The following ITGB3BP variants were observed in gnomAD, a reference collection of about 807,000 sequenced individuals.
ITGB3BP encodes centromere protein R.
A neutral mutation model predicts 29.1 loss-of-function variants in ITGB3BP; 27 were observed. The observed-to-expected ratio is 0.93, with a 90% CI of 0.68 to 1.28. ITGB3BP has a LOEUF of 1.28. Among genes scored for constraint, ITGB3BP ranks in the 50% most tolerant of loss-of-function variants. The pLI is 0.00. For synonymous variants in ITGB3BP, 61 were observed against 61.4 expected, an observed-to-expected ratio of 0.99 and a Z score of 0.03; for missense variants, 192 against 200.2, an observed-to-expected ratio of 0.96 and a Z score of 0.25.
chr1:63,487,943 G>A (rs993529294), intron 3 of ITGB3BP, among the ~76,000 whole-genome samples: 1 of 152,070 alleles, frequency 6.6e-6, no homozygotes, highest in African/African-American at 2.4e-5. Flanking sequence ...AATCTTGGGG[G>A]ACCCCTGATG....
upstream of ITGB3BP, chr1:63,527,883 T>C (rs1044822662): frequency 6.6e-6 from 1 of 152,200 alleles, no homozygotes; most frequent in Non-Finnish European, 1.5e-5. Context: ...ACATACCTTT[T>C]TTCTCAAAAC....
intron 1 of ITGB3BP, among the ~76,000 whole-genome samples, chr1:63,510,564 C>T (rs1253618858): frequency 1.3e-5 from 2 of 152,110 alleles, no homozygotes; most frequent in Non-Finnish European, 2.9e-5. Context: ...ATAATTCGGA[C>T]ATCTAATAAC....
intron 2 of ITGB3BP, among the ~76,000 whole-genome samples, chr1:63,505,695 G>C (rs1254808967): frequency 2.0e-5 from 3 of 152,122 alleles, no homozygotes; most frequent in Non-Finnish European, 2.9e-5. Flanking sequence ...ATGTGTCCCA[G>C]AGATTCTGGT....
intron 7 of ITGB3BP, among the ~76,000 whole-genome samples, chr1:63,449,102 A>G (rs896203726): frequency 6.6e-6 from 1 of 152,180 alleles, no homozygotes; most frequent in African/African-American, 2.4e-5. Flanking sequence ...AATACGCAAC[A>G]ATGTCTGTGT....
At chr1:63,490,002 C>T in intron 3 of ITGB3BP, 81 bp downstream of exon 3, 1 of 1,199,192 alleles carries the variant, frequency 8.3e-7, no homozygotes, top group Non-Finnish European at 1.2e-6. Flanking sequence ...TAGCAAGATC[C>T]ATACATAATT....
intron 1 of ITGB3BP, among the ~76,000 whole-genome samples, chr1:63,511,757 T>C (rs546101803): frequency 6.6e-6 from 1 of 151,998 alleles, no homozygotes; most frequent in Non-Finnish European, 1.5e-5. Flanking sequence ...AAAAATAGAA[T>C]GGTGGTTGCC....
chr1:63,467,609 G>A (rs1352830453), intron 4 of ITGB3BP, among the ~76,000 whole-genome samples: 3 of 151,992 alleles, frequency 2.0e-5, no homozygotes, highest in African/African-American at 7.2e-5. Flanking sequence ...GGGCTCAAGC[G>A]ATCCTCCTAC....
In ITGB3BP at chr1:63,454,766, T is replaced by A. The variant is rs547352185; in HGVS notation, c.333+124A>T. The A allele has an allele frequency of 4.2e-4, 203 of 478,946 alleles. 1 individual carries two copies. The South Asian group carries it at 8.4e-3, about 20-fold the overall frequency. The allele number at this position is 478,946 out of a possible 1,614,324, so 29.7% of individuals were successfully genotyped here. On this transcript the variant is annotated intron_variant, in intron 5 of 8. Coordinates refer to ENST00000271002, the MANE Select transcript of ITGB3BP (RefSeq NM_014288.5). The surrounding 1 kb of genome is among the most constrained non-coding windows in gnomAD (Gnocchi z 4.1). ...TAGTGTTCTCCTATTAAAAAAAAAA[T>A]TCCCATGAAAAGTAAATTAAACATA...
chr1:63,486,204 T>C (rs1645526425), intron 3 of ITGB3BP, among the ~76,000 whole-genome samples: 1 of 152,112 alleles, frequency 6.6e-6, no homozygotes, highest in South Asian at 2.1e-4. Context: ...TCTTCGACTA[T>C]GCAAATTTGT....
At chr1:63,445,625 G>C (rs1644781745) in intron 8 of ITGB3BP, among the ~76,000 whole-genome samples, 2 of 139,350 alleles carry the variant, frequency 1.4e-5, no homozygotes, top group African/African-American at 6.2e-5. Flanking sequence ...TTTGGAGACA[G>C]GGTCTCGCTC....
intron 2 of ITGB3BP, among the ~76,000 whole-genome samples, chr1:63,493,718 C>T (rs947670971): frequency 1.3e-5 from 2 of 152,066 alleles, no homozygotes; most frequent in Non-Finnish European, 1.5e-5. Context: ...CAAATTGTAG[C>T]TTACTTTGTC....
At chr1:63,500,361 G>C (rs997381124) in intron 2 of ITGB3BP, among the ~76,000 whole-genome samples, 1 of 151,826 alleles carries the variant, frequency 6.6e-6, no homozygotes, top group Non-Finnish European at 1.5e-5. Context: ...CTGGGCAAAA[G>C]AGCAAGACTC....
At chr1:63,480,178 C>T (rs1391764080) in intron 3 of ITGB3BP, among the ~76,000 whole-genome samples, 1 of 152,068 alleles carries the variant, frequency 6.6e-6, no homozygotes, top group East Asian at 1.9e-4. Flanking sequence ...ACAAGTTTCA[C>T]AAATTGACAG....
chr1:63,448,246 G>C (rs1443698294), intron 7 of ITGB3BP, among the ~76,000 whole-genome samples: 2 of 149,140 alleles, frequency 1.3e-5, no homozygotes, highest in Non-Finnish European at 3.0e-5. Flanking sequence ...GAGTTAATGG[G>C]TGCAGCACAC....
At chr1:63,490,265 T>C (rs781364974) in intron 2 of ITGB3BP, 47 bp from the exon 3 acceptor site, 16 of 1,356,826 alleles carry the variant, frequency 1.2e-5, no homozygotes, top group South Asian at 3.9e-5. Context: ...TGTTTAGTTA[T>C]AGATCTTTGA....
intron 3 of ITGB3BP, among the ~76,000 whole-genome samples, chr1:63,483,313 A>G (rs901916305): frequency 1.9e-4 from 29 of 152,322 alleles, no homozygotes; most frequent in African/African-American, 7.0e-4. Context: ...TACATTTTAC[A>G]GGTAAGATAT....
At chr1:63,491,288 T>C (rs2100681663) in intron 2 of ITGB3BP, among the ~76,000 whole-genome samples, 1 of 152,294 alleles carries the variant, frequency 6.6e-6, no homozygotes, top group Admixed American at 6.5e-5. Context: ...CAAAGAAATA[T>C]AACAAATTGC....
intron 2 of ITGB3BP, among the ~76,000 whole-genome samples, chr1:63,490,704 CA>C (rs1645627259): frequency 6.6e-6 from 1 of 152,174 alleles, no homozygotes; most frequent in Non-Finnish European, 1.5e-5. Context: ...AATGTCCAAA[CA>C]GTTGAGTCAG....
intron 4 of ITGB3BP, among the ~76,000 whole-genome samples, chr1:63,464,496 G>A (rs1033288743): frequency 2.0e-5 from 3 of 152,136 alleles, no homozygotes; most frequent in African/African-American, 7.2e-5. Flanking sequence ...ACTATGAACA[G>A]ATGAATTTTT....
Sources: allele counts gnomAD v4.1 joint callset (sites outside exome capture counted in the v4.1 genomes callset), GRCh38; gene constraint gnomAD v4.1.1; non-coding constraint Gnocchi (gnomAD v3.1); transcripts MANE v1.5; gene names NCBI Gene and HGNC (gene_info 2026-07-23, HGNC 2026-07-21).